The following ANKS1B variants were observed in gnomAD, a reference collection of about 807,000 sequenced individuals.
ANKS1B encodes ankyrin repeat and sterile alpha motif domain-containing protein 1B.
A neutral mutation model predicts 148.3 loss-of-function variants in ANKS1B; 36 were observed. The ratio of observed to expected loss-of-function variants is 0.24; its 90% CI spans 0.19 to 0.32. The LOEUF (loss-of-function observed/expected upper bound fraction) is 0.32, where lower values mean the gene tolerates loss of function less well. Among genes scored for constraint, ANKS1B ranks in the 10% least tolerant of loss-of-function variants. The probability of loss-of-function intolerance (pLI) is 1.00; values close to 1 mark genes in which losing one functional copy is unlikely to be tolerated. For missense variants in ANKS1B, 1,157 were observed against 1,542.6 expected (o/e 0.75, Z 4.19); for synonymous variants, 542 against 560.8 (o/e 0.97, Z 0.47).
chr12:99,542,525 A>T (rs2097136076), intron 9 of ANKS1B, among the ~76,000 whole-genome samples: 1 of 152,096 alleles, frequency 6.6e-6, no homozygotes, highest in Admixed American at 6.6e-5. Flanking sequence ...CTATAAAAAA[A>T]ATCCGTGGTG....
At chr12:99,749,978 A>C (rs2060951059) in intron 8 of ANKS1B, among the ~76,000 whole-genome samples, 1 of 152,096 alleles carries the variant, frequency 6.6e-6, no homozygotes, top group African/African-American at 2.4e-5. Context: ...TGTATAATCC[A>C]AGTTTTAGCT....
At chr12:99,556,313 C>T (rs1326453279) in intron 9 of ANKS1B, among the ~76,000 whole-genome samples, 14 of 151,920 alleles carry the variant, frequency 9.2e-5, no homozygotes, top group Admixed American at 9.2e-4. Flanking sequence ...TTATTTGGAT[C>T]TTCTCTCTTT....
chr12:99,353,618 A>G (rs979477554), intron 12 of ANKS1B, among the ~76,000 whole-genome samples: 3 of 152,020 alleles, frequency 2.0e-5, no homozygotes, highest in African/African-American at 7.2e-5. Context: ...CAATTCCTGC[A>G]TGTCAATAAT....
intron 8 of ANKS1B, among the ~76,000 whole-genome samples, chr12:99,688,811 A>G (rs931196282): frequency 7.2e-5 from 11 of 152,122 alleles, no homozygotes; most frequent in African/African-American, 2.7e-4. Flanking sequence ...ATCACAATCC[A>G]GCCTGGGTGA....
chr12:99,469,843 G>T (rs1024512674), intron 10 of ANKS1B, among the ~76,000 whole-genome samples: 14 of 151,940 alleles, frequency 9.2e-5, no homozygotes, highest in Admixed American at 7.9e-4. Flanking sequence ...AGTTTGGCTG[G>T]CCACAGTGAC....
At chr12:99,805,280 A>AAAAAAAAAAAAAAAAAAAAAC (rs2067483197) in intron 4 of ANKS1B, among the ~76,000 whole-genome samples, 1 of 148,062 alleles carries the variant, frequency 6.8e-6, no homozygotes, top group Admixed American at 6.8e-5. Context: ...AAAAAAAAAA[A>AAAAAAAAAAAAAAAAAAAAAC]AAAAAAAAGA....
chr12:98,980,613 T>C (rs2099908528), intron 17 of ANKS1B, among the ~76,000 whole-genome samples: 1 of 152,250 alleles, frequency 6.6e-6, no homozygotes, highest in Non-Finnish European at 1.5e-5. Context: ...TCACATTTTC[T>C]TGTATCTTGT....
chr12:99,248,145 C>T (rs1019469088), intron 12 of ANKS1B, among the ~76,000 whole-genome samples: 2 of 152,036 alleles, frequency 1.3e-5, no homozygotes, highest in African/African-American at 4.8e-5. Flanking sequence ...GCCAAAATAT[C>T]GAATTCTCAC....
chr12:99,246,290 T>C lies in ANKS1B; in HGVS notation c.2331A>G (p.Thr777=), dbSNP rs1602034533. 2.5e-6 allele frequency: 4 copies of C among 1,587,914 alleles called. No homozygotes were observed. The highest frequency in any genetic ancestry group is 4.5e-5 in the East Asian group (2 of 44,612). Residue 777 remains threonine (T), a synonymous_variant, in exon 13 of 27, where the codon ACA becomes ACG. Coordinates refer to ENST00000683438, the MANE Select transcript of ANKS1B (RefSeq NM_001352186.2). ...CAAAGCTTACTTCTTCCCATTCCGATGTGAAGGATGGTGTTCTTTCAGAAT... is the reference window on the plus strand; with the variant it reads ...CAAAGCTTACTTCTTCCCATTCCGACGTGAAGGATGGTGTTCTTTCAGAAT... ...KGNSERTPSF[T]SEWEEIDKIM...
At chr12:99,764,840 T>C (rs1161135179) in intron 8 of ANKS1B, among the ~76,000 whole-genome samples, 1 of 152,212 alleles carries the variant, frequency 6.6e-6, no homozygotes, top group Non-Finnish European at 1.5e-5. Flanking sequence ...AACGTTTCTA[T>C]TTAACATTTG....
chr12:99,804,762 G>T (rs1234667126), intron 4 of ANKS1B, among the ~76,000 whole-genome samples: 1 of 152,106 alleles, frequency 6.6e-6, no homozygotes, highest in Non-Finnish European at 1.5e-5. Context: ...CCTTGAATAT[G>T]GGTTGCCTTT....
chr12:99,065,643 CCATCCAT>C (rs2043989425), intron 16 of ANKS1B, among the ~76,000 whole-genome samples: 2 of 26,076 alleles, frequency 7.7e-5, no homozygotes, highest in African/African-American at 1.5e-4. Flanking sequence ...TCCATCCCAT[CCATCCAT>C]CCATCCATCC....
intron 9 of ANKS1B, among the ~76,000 whole-genome samples, chr12:99,540,858 GA>G (rs200173533): frequency 4.7e-5 from 7 of 149,972 alleles, no homozygotes; most frequent in African/African-American, 1.7e-4. Context: ...TTGGTTCTTT[GA>G]AAAAAAATAC....
intron 9 of ANKS1B, among the ~76,000 whole-genome samples, chr12:99,591,688 CA>C (rs2097704445): frequency 1.3e-5 from 2 of 152,056 alleles, no homozygotes; most frequent in South Asian, 4.1e-4. Flanking sequence ...CCTCGATTCT[CA>C]AGGGTAAGGA....
intron 19 of ANKS1B, among the ~76,000 whole-genome samples, chr12:98,810,151 C>T (rs2099083370): frequency 6.6e-6 from 1 of 152,230 alleles, no homozygotes; most frequent in South Asian, 2.1e-4. Flanking sequence ...CCAGCCATAA[C>T]TACAGCTGGA....
At chr12:99,154,430 G>A in intron 14 of ANKS1B, 35 bp from the exon 15 acceptor site, 1 of 1,613,712 alleles carries the variant, frequency 6.2e-7, no homozygotes, top group African/African-American at 1.3e-5. Context: ...GTTTAAGCAG[G>A]GAGTAGCCGT....
chr12:99,981,647 C>T (rs150988694), intron 1 of ANKS1B, among the ~76,000 whole-genome samples: 182 of 152,174 alleles, frequency 1.2e-3, no homozygotes, highest in African/African-American at 3.8e-3. Flanking sequence ...ATTTTCAAAT[C>T]TTTGCCATTA....
chr12:99,470,222 G>GTTTTT lies in ANKS1B; in HGVS notation c.1439-26414_1439-26413insAAAAA, dbSNP rs1308173168. ...TCATTATCCACATATATCAACATTG[G>GTTTTT]TCTTATTTTCATTATGGTATACTGT... On this transcript the variant is annotated intron_variant, in intron 10 of 26. Coordinates refer to ENST00000683438, the MANE Select transcript of ANKS1B (RefSeq NM_001352186.2). Among the ~76,000 whole-genome samples, 167 of 151,892 alleles carry GTTTTT rather than the reference G, an allele frequency of 1.1e-3. 1 individual carries two copies. The South Asian group carries it at 0.014, about 13-fold the overall frequency.
intron 17 of ANKS1B, among the ~76,000 whole-genome samples, chr12:98,842,535 T>C (rs948519701): frequency 6.6e-6 from 1 of 152,230 alleles, no homozygotes; most frequent in East Asian, 1.9e-4. Context: ...TACTGAAATT[T>C]ACCCAACTGT....
Sources: gnomAD v4.1 joint callset for allele counts (sites outside exome capture counted in the v4.1 genomes callset) on GRCh38, gnomAD v4.1.1 for gene constraint, MANE v1.5 for transcripts, NCBI Gene and HGNC (gene_info 2026-07-23, HGNC 2026-07-21) for gene names.